NGFR: variants seen among roughly 807,000 people sequenced by gnomAD.
The protein encoded by NGFR is tumor necrosis factor receptor superfamily member 16.
A neutral mutation model predicts 43.2 loss-of-function variants in NGFR; 30 were observed. The observed-to-expected ratio is 0.69, with a 90% CI of 0.52 to 0.94. The LOEUF is 0.94. Among genes scored for constraint, NGFR ranks in the 40% least tolerant of loss-of-function variants. NGFR has a pLI of 0.00. For synonymous variants in NGFR, 246 were observed against 259.6 expected, an observed-to-expected ratio of 0.95 and a Z score of 0.50; for missense variants, 529 against 602.5, an observed-to-expected ratio of 0.88 and a Z score of 1.28.
intron 1 of NGFR, among the ~76,000 whole-genome samples, chr17:49,499,885 C>T (rs2071157777): frequency 6.6e-6 from 1 of 152,184 alleles, no homozygotes; most frequent in South Asian, 2.1e-4. Flanking sequence ...CCACGCCCGG[C>T]CGGCACATGC....
Position 49,498,576 on chromosome 17 carries a change from C to G in NGFR, c.66+3093C>G, listed in dbSNP as rs867126744. Among the ~76,000 whole-genome samples the G allele has an allele frequency of 4.6e-5, 7 of 152,304 alleles. 1 individual carries two copies. The highest frequency in any genetic ancestry group is 1.2e-4 in the African/African-American group (5 of 41,568). On this transcript the variant is annotated intron_variant, in intron 1 of 5. Transcript: ENST00000172229. The stretch of plus-strand genomic sequence containing the variant: ...TGAAACATTCGTATGGTTTCAAATA[C>G]TTTCAACTGTTTCGCTGTTTCTCTC...
At chr17:49,501,999 A>AGGGCCCCCCCCCCCCCC in intron 1 of NGFR, 64 bp from the exon 2 acceptor site, 1 of 330,982 alleles carries the variant, frequency 3.0e-6, no homozygotes, top group Admixed American at 3.5e-5. Flanking sequence ...TCCCCGGAAG[A>AGGGCCCCCCCCCCCCCC]ACCCCCCCCA....
At chr17:49,498,061 G>A (rs999760659) in intron 1 of NGFR, among the ~76,000 whole-genome samples, 1 of 152,126 alleles carries the variant, frequency 6.6e-6, no homozygotes, top group Non-Finnish European at 1.5e-5. Context: ...TTCCCACTTC[G>A]CAGTTGAGGA....
rs11466154 is a variant in NGFR, at chr17:49,510,012, G to A, written c.569-400G>A. On this transcript the variant is annotated intron_variant, in intron 3 of 5. Transcript: ENST00000172229. ...CAGCTCAAGGCCTCCCTGTGGTCAG[G>A]CTTCTTTGTGTGTTTGCTCCTAGAT... Among the ~76,000 whole-genome samples the A allele has an allele frequency of 8.7e-3, 1,330 of 152,236 alleles. 26 individuals are homozygous for A. Among genetic ancestry groups the A allele is most frequent in the African/African-American group, 0.031 (1,278 of 41,540 alleles).
At position 49,512,715 on chromosome 17, in the gene NGFR, G is replaced by A; in HGVS notation, c.990G>A (p.Lys330=). The change falls in exon 6 of 6, where the codon AAG becomes AAA. Residue 330 remains lysine, a synonymous_variant. Transcript: ENST00000172229. This position sits in a 1 kb window ranked among gnomAD's most constrained non-coding sequence, Gnocchi z 5.2. ...CCTCTGGTTTCTCTGCAGCCCTCAA[G>A]GGTGACGGAGGCCTCTACAGCAGCC... The part of the protein sequence containing the change: ...HTQTASGQAL[K]GDGGLYSSLP... 1 of 1,598,378 alleles carries A rather than the reference G, an allele frequency of 6.3e-7. No individual in the cohort carries two copies. Among genetic ancestry groups the A allele is most frequent in the South Asian group, 1.1e-5 (1 of 88,260 alleles).
Position 49,512,671 on chromosome 17 carries a change from A to G in NGFR, c.983-37A>G. On this transcript the variant is annotated intron_variant, in intron 5 of 5. Transcript: ENST00000172229. This position sits in a 1 kb window ranked among gnomAD's most constrained non-coding sequence, Gnocchi z 5.2. ...TGCCCACTGTTGGGGAAAGGAGTTC[A>G]GGGGTAGGACCTGACTCTCCTCTGG... The G allele has an allele frequency of 6.5e-7, 1 of 1,535,872 alleles. No individual in the cohort carries two copies. The highest frequency in any genetic ancestry group is 8.8e-7 in the Non-Finnish European group (1 of 1,139,844).
intron 1 of NGFR, 64 bp from the exon 2 acceptor site, chr17:49,501,999 A>AGCGCCCCCCCCCCCC: frequency 6.0e-6 from 2 of 330,984 alleles, no homozygotes; most frequent in Non-Finnish European, 1.2e-5. Flanking sequence ...TCCCCGGAAG[A>AGCGCCCCCCCCCCCC]ACCCCCCCCA....
At position 49,514,800 on chromosome 17, in the gene NGFR, C is replaced by A. The variant is rs922635667; in HGVS notation, c.*1791C>A. 6.6e-6 allele frequency: 1 copy of A among 151,682 alleles called. No homozygotes were observed. Among genetic ancestry groups the A allele is most frequent in the Non-Finnish European group, 1.5e-5 (1 of 67,910 alleles). The allele number at this position is 151,682 out of a possible 1,614,324, so 9.4% of individuals were successfully genotyped here. ...TTGGGGGCTTGCAAGTATGTTTTAG[C>A]ATGTGTTTGGTTCTGGGGCCCCTTT... On this transcript the variant is annotated 3_prime_UTR_variant, in exon 6 of 6. Transcript: ENST00000172229.
At chr17:49,496,976 C>G (rs2071142130) in intron 1 of NGFR, 1 of 152,306 alleles carries the variant, frequency 6.6e-6, no homozygotes, top group Non-Finnish European at 1.5e-5. Flanking sequence ...AGCACTGCGC[C>G]CCAAATTCCG....
At chr17:49,500,965 G>T (rs1311274829) in intron 1 of NGFR, among the ~76,000 whole-genome samples, 1 of 152,220 alleles carries the variant, frequency 6.6e-6, no homozygotes, top group African/African-American at 2.4e-5. Context: ...AGCTTGTAAA[G>T]CTTCCCTCTG....
rs570345015 is a variant in NGFR at position 49,514,536 on chromosome 17, C to A, written c.*1527C>A. On this transcript the variant is annotated 3_prime_UTR_variant, in exon 6 of 6. Transcript: ENST00000172229. ...GCCTGAAGTTGGAGTGAGTGTGGCT[C>A]CCCTCTATTTAGCATGACAAGCCCC... 1 of 152,100 alleles carries A rather than the reference C, an allele frequency of 6.6e-6. No homozygotes were observed. The highest frequency in any genetic ancestry group is 1.5e-5 in the Non-Finnish European group (1 of 68,080). The allele number at this position is 152,100 out of a possible 1,614,324, so 9.4% of individuals were successfully genotyped here. A position where few individuals can be genotyped will look rare whatever the true frequency, so the allele number is the denominator to read the frequency against.
chr17:49,495,901 G>A lies in NGFR; in HGVS notation c.66+418G>A. ...AGAACCAAGGCGAGAGAAGGAGGGG[G>A]AACTGGACGGGGACTAGAGATGAGA... On this transcript the variant is annotated intron_variant, in intron 1 of 5. Coordinates refer to ENST00000172229, the MANE Select transcript of NGFR (RefSeq NM_002507.4). This position sits in a 1 kb window ranked among gnomAD's most constrained non-coding sequence, Gnocchi z 6.4. The A allele has an allele frequency of 5.6e-6, 1 of 177,160 alleles. No individual in the cohort carries two copies. Among genetic ancestry groups the A allele is most frequent in the Non-Finnish European group, 1.2e-5 (1 of 84,690 alleles). The allele number at this position is 177,160 out of a possible 1,614,324, so 11.0% of individuals were successfully genotyped here. A position where few individuals can be genotyped will look rare whatever the true frequency, so the allele number is the denominator to read the frequency against.
intron 2 of NGFR, among the ~76,000 whole-genome samples, chr17:49,502,812 A>ATTTC (rs2071174461): frequency 1.3e-4 from 13 of 97,578 alleles, no homozygotes; most frequent in African/African-American, 3.9e-4. Flanking sequence ...CCTGCCTGGG[A>ATTTC]TTTCTTCCTT....
At chr17:49,510,813 G>T (rs1449849617) in intron 4 of NGFR, 149 bp downstream of exon 4, 1 of 962,538 alleles carries the variant, frequency 1.0e-6, no homozygotes. Flanking sequence ...CCCACTCCAG[G>T]GTGCAGCAGG....
At position 49,512,062 on chromosome 17, in the gene NGFR, G is replaced by A. The variant is rs758870758; in HGVS notation, c.982+10G>A. 9.9e-6 allele frequency: 16 copies of A among 1,610,494 alleles called. No homozygotes were observed. Among genetic ancestry groups the A allele is most frequent in the South Asian group, 6.6e-5 (6 of 90,636 alleles). ...ACAGCCTCGGGCCAGGGTGAGCAGCGGCCCGCTGGGGAGCTGAGGCGGAGC... is the reference window on the plus strand; with the variant it reads ...ACAGCCTCGGGCCAGGGTGAGCAGCAGCCCGCTGGGGAGCTGAGGCGGAGC... On this transcript the variant is annotated intron_variant, in intron 5 of 5. Transcript: ENST00000172229. This position sits in a 1 kb window ranked among gnomAD's most constrained non-coding sequence, Gnocchi z 5.2.
At chr17:49,502,012 C>A in intron 1 of NGFR, 51 bp from the exon 2 acceptor site, 8 of 975,978 alleles carry the variant, frequency 8.2e-6, no homozygotes, top group Middle Eastern at 2.7e-4. Context: ...CCCCCCCAAC[C>A]CACCCCAGCT....
chr17:49,502,010 A>ACC (rs1379671415), intron 1 of NGFR, 53 bp from the exon 2 acceptor site: 12 of 267,826 alleles, frequency 4.5e-5, no homozygotes, highest in East Asian at 1.1e-4. Context: ...ACCCCCCCCA[A>ACC]CCCACCCCAG....
At chr17:49,504,410 C>T (rs2071184234) in intron 2 of NGFR, among the ~76,000 whole-genome samples, 1 of 152,198 alleles carries the variant, frequency 6.6e-6, no homozygotes, top group African/African-American at 2.4e-5. Context: ...CATATTCCTA[C>T]CTCCAAAGTT....
intron 3 of NGFR, 41 bp downstream of exon 3, chr17:49,506,699 G>GGGC: frequency 2.5e-6 from 1 of 402,094 alleles, no homozygotes; most frequent in Non-Finnish European, 4.3e-6. Flanking sequence ...GGGGTGCGGG[G>GGGC]GTGGGCTGGG....
Sources: gnomAD v4.1 joint callset for allele counts (sites outside exome capture counted in the v4.1 genomes callset) on GRCh38, gnomAD v4.1.1 for gene constraint, Gnocchi (gnomAD v3.1) non-coding constraint, MANE v1.5 for transcripts, NCBI Gene and HGNC (gene_info 2026-07-23, HGNC 2026-07-21) for gene names.